ASTN2: variants seen among roughly 807,000 people sequenced by gnomAD.
ASTN2 encodes astrotactin 2.
A neutral mutation model predicts 139.8 loss-of-function variants in ASTN2; 54 were observed. The ratio of observed to expected loss-of-function variants is 0.39; its 90% CI spans 0.31 to 0.48. The LOEUF (loss-of-function observed/expected upper bound fraction) is 0.48, where lower values mean the gene tolerates loss of function less well. Ranked by LOEUF, ASTN2 falls within the 20% of genes least tolerant of loss-of-function variation. ASTN2 has a pLI of 0.95. For synonymous variants in ASTN2, 756 were observed against 719.5 expected (o/e 1.05, Z -0.81); for missense variants, 1,565 against 1,725.1 (o/e 0.91, Z 1.64).
chr9:116,892,742 TTCTC>T (rs1833794361), intron 10 of ASTN2, among the ~76,000 whole-genome samples: 1 of 152,138 alleles, frequency 6.6e-6, no homozygotes, highest in African/African-American at 2.4e-5. Context: ...TGAATGCTCT[TTCTC>T]TAGATAACCT....
At position 117,051,256 on chromosome 9, in the gene ASTN2, T is replaced by A. The variant is rs150477763; in HGVS notation, c.1277-11291A>T. On this transcript the variant is annotated intron_variant, in intron 5 of 22. Coordinates refer to ENST00000313400, the MANE Select transcript of ASTN2 (RefSeq NM_001365068.1). ...AAAAAATGATGATGATAACCCTTTCTCTTTTTTTGAGCACTTACTATGCCG... is the reference window on the plus strand; with the variant it reads ...AAAAAATGATGATGATAACCCTTTCACTTTTTTTGAGCACTTACTATGCCG... Among the ~76,000 whole-genome samples the A allele has an allele frequency of 4.4e-4, 67 of 152,302 alleles. 1 individual carries two copies. The East Asian group carries it at 0.011, about 25-fold the overall frequency.
chr9:116,779,951 A>G (rs560717471), intron 13 of ASTN2, among the ~76,000 whole-genome samples: 2 of 152,178 alleles, frequency 1.3e-5, no homozygotes, highest in South Asian at 4.1e-4. Flanking sequence ...TCTACATATT[A>G]ATTATATATT....
intron 12 of ASTN2, among the ~76,000 whole-genome samples, chr9:116,808,184 T>G (rs561251909): frequency 6.6e-6 from 1 of 152,286 alleles, no homozygotes; most frequent in East Asian, 1.9e-4. Context: ...ATGGAACTTC[T>G]TCATTTCCCA....
rs1831490785 is a variant in ASTN2 at position 117,195,968 on chromosome 9, T to C, written c.1015+18390A>G. The stretch of plus-strand genomic sequence containing the variant: ...GAACACATGTTGATTACCTATTTTT[T>C]ATTCCCAGATTTGTGAGTGAAGCAA... On this transcript the variant is annotated intron_variant, in intron 3 of 22. Transcript: ENST00000313400. Among the ~76,000 whole-genome samples, 4 of 152,298 alleles carry C rather than the reference T, an allele frequency of 2.6e-5. No individual in the cohort carries two copies. In the South Asian group the frequency reaches 8.3e-4, roughly 32 times the overall value.
intron 1 of ASTN2, among the ~76,000 whole-genome samples, chr9:117,383,928 T>C (rs1226319600): frequency 6.6e-6 from 1 of 152,174 alleles, no homozygotes; most frequent in Non-Finnish European, 1.5e-5. Context: ...ATGGCTTTTA[T>C]TTACTGCACT....
chr9:116,776,879 T>C (rs963412359), intron 13 of ASTN2, among the ~76,000 whole-genome samples: 1 of 152,126 alleles, frequency 6.6e-6, no homozygotes, highest in Admixed American at 6.6e-5. Context: ...AATGGAATAG[T>C]GAGCGATAAG....
chr9:116,976,040 A>T (rs1836332521), intron 9 of ASTN2, 74 bp downstream of exon 9: 25 of 1,425,136 alleles, frequency 1.8e-5, no homozygotes, highest in Non-Finnish European at 2.4e-5. Flanking sequence ...TAGTCTAAGG[A>T]TCCATGACCA....
chr9:116,855,717 T>C (rs909228880), intron 11 of ASTN2, among the ~76,000 whole-genome samples: 6 of 152,132 alleles, frequency 3.9e-5, no homozygotes, highest in Non-Finnish European at 7.4e-5. Context: ...GAGTTTGGAG[T>C]TTCCTCTGCC....
At chr9:116,871,556 T>C (rs1229467615) in intron 10 of ASTN2, among the ~76,000 whole-genome samples, 1 of 152,238 alleles carries the variant, frequency 6.6e-6, no homozygotes, top group Non-Finnish European at 1.5e-5. Flanking sequence ...TAAATTAAGT[T>C]ATACATTATG....
At chr9:117,360,207 A>G (rs1007697083) in intron 1 of ASTN2, among the ~76,000 whole-genome samples, 6 of 152,268 alleles carry the variant, frequency 3.9e-5, no homozygotes, top group African/African-American at 1.4e-4. Context: ...GTGCTCGGCA[A>G]ACTTACTGGA....
intron 13 of ASTN2, among the ~76,000 whole-genome samples, chr9:116,794,097 T>TC (rs113375661): frequency 3.1e-5 from 1 of 32,224 alleles, no homozygotes; most frequent in African/African-American, 6.9e-5. Flanking sequence ...AATAAACACC[T>TC]TTTTTTTTTT....
At chr9:116,431,175 C>G (rs1028124823) in intron 22 of ASTN2, among the ~76,000 whole-genome samples, 3 of 152,172 alleles carry the variant, frequency 2.0e-5, no homozygotes, top group African/African-American at 7.2e-5. Flanking sequence ...GCACCATTTC[C>G]CAATCAGCTG....
At chr9:116,910,047 G>C (rs1834268084) in intron 10 of ASTN2, among the ~76,000 whole-genome samples, 1 of 148,444 alleles carries the variant, frequency 6.7e-6, no homozygotes, top group Non-Finnish European at 1.5e-5. Flanking sequence ...CCAGTTGAGG[G>C]GAGAAATTGC....
chr9:116,578,619 CGTGTGTGT>C (rs71377254), intron 19 of ASTN2, among the ~76,000 whole-genome samples: 10,488 of 137,566 alleles, frequency 0.076, 397 homozygotes, highest in Non-Finnish European at 0.091. Flanking sequence ...CTGGCTCCAA[CGTGTGTGT>C]GTGTGTGTGT....
intron 5 of ASTN2, among the ~76,000 whole-genome samples, chr9:117,082,148 T>A (rs1186863796): frequency 6.6e-6 from 1 of 152,182 alleles, no homozygotes; most frequent in Non-Finnish European, 1.5e-5. Context: ...TGAGCTCAGA[T>A]CTGGTTGGCA....
chr9:116,834,305 T>A (rs1157851390), intron 11 of ASTN2, among the ~76,000 whole-genome samples: 2 of 152,220 alleles, frequency 1.3e-5, no homozygotes, highest in African/African-American at 4.8e-5. Flanking sequence ...GTTAACTAGA[T>A]CTTTTTTGTT....
chr9:116,619,218 T>C (rs947344184), intron 18 of ASTN2, among the ~76,000 whole-genome samples: 2 of 152,110 alleles, frequency 1.3e-5, no homozygotes, highest in Non-Finnish European at 2.9e-5. Context: ...GGGACTTTGT[T>C]TTCCAGTATT....
intron 11 of ASTN2, among the ~76,000 whole-genome samples, chr9:116,825,844 T>C (rs898326503): frequency 6.6e-6 from 1 of 152,228 alleles, no homozygotes; most frequent in Non-Finnish European, 1.5e-5. Context: ...CACAGGCATC[T>C]GAACCTGGAG....
At chr9:117,188,321 C>G (rs986003837) in intron 3 of ASTN2, among the ~76,000 whole-genome samples, 1 of 152,034 alleles carries the variant, frequency 6.6e-6, no homozygotes, top group Non-Finnish European at 1.5e-5. Context: ...ATCCCCTAGT[C>G]AGGAAAGTTT....
Sources: gnomAD v4.1 joint callset for allele counts (sites outside exome capture counted in the v4.1 genomes callset) on GRCh38, gnomAD v4.1.1 for gene constraint, MANE v1.5 for transcripts, NCBI Gene and HGNC (gene_info 2026-07-23, HGNC 2026-07-21) for gene names.